The following SPECC1 variants were observed in gnomAD, a reference collection of about 807,000 sequenced individuals.
The protein encoded by SPECC1 is sperm antigen with calponin homology and coiled-coil domains 1.
In SPECC1, 62 loss-of-function variants were observed where a neutral mutation model predicts 104.1. The observed-to-expected ratio is 0.60, with a 90% CI of 0.49 to 0.74. The LOEUF is 0.74. Ranked by LOEUF, SPECC1 falls within the 30% of genes least tolerant of loss-of-function variation. The pLI is 0.00. For synonymous variants in SPECC1, 513 were observed against 501.6 expected, an observed-to-expected ratio of 1.02 and a Z score of -0.30; for missense variants, 1,306 against 1,310.5, an observed-to-expected ratio of 1.00 and a Z score of 0.05.
At chr17:20,203,987 A>G (rs59414058) in intron 3 of SPECC1, among the ~76,000 whole-genome samples, 1 of 152,246 alleles carries the variant, frequency 6.6e-6, no homozygotes, top group African/African-American at 2.4e-5. Flanking sequence ...CCACACCTAC[A>G]CATTTTCTCA....
At chr17:20,156,020 C>T in intron 3 of SPECC1, 1 of 1,287,044 alleles carries the variant, frequency 7.8e-7, no homozygotes, top group Non-Finnish European at 9.8e-7. Flanking sequence ...CCCACGGGCG[C>T]GGGAGAGCAG....
chr17:20,057,492 TTTTG>T lies in SPECC1; in HGVS notation c.-21-39131_-21-39128del, dbSNP rs2046012299. Among the ~76,000 whole-genome samples, 4 of 152,016 alleles carry T rather than the reference TTTTG, an allele frequency of 2.6e-5. No homozygotes were observed. The South Asian group carries it at 8.3e-4, about 32-fold the overall frequency. Reference sequence around the variant, plus strand: ...GCAAAAAACAGGAAGGTTAAGTGTTTTTTGTTTGTTTTTGTTTTTGAGACAGGGT... The same window carrying T: ...GCAAAAAACAGGAAGGTTAAGTGTTTTTTGTTTTTGTTTTTGAGACAGGGT... On this transcript the variant is annotated intron_variant, in intron 1 of 14. Transcript: ENST00000395527.
chr17:20,273,173 G>A (rs2040464291), intron 12 of SPECC1, among the ~76,000 whole-genome samples: 1 of 152,186 alleles, frequency 6.6e-6, no homozygotes, highest in Non-Finnish European at 1.5e-5. Flanking sequence ...AACCAGAATT[G>A]TGGGACCTAA....
At chr17:20,112,851 C>G in intron 3 of SPECC1, 1 of 1,591,204 alleles carries the variant, frequency 6.3e-7, no homozygotes, top group Non-Finnish European at 8.6e-7. Context: ...AGAGGAGCAA[C>G]TCTGGCAGGA....
chr17:20,270,788 C>T (rs1016510758), intron 12 of SPECC1, among the ~76,000 whole-genome samples: 9 of 152,124 alleles, frequency 5.9e-5, no homozygotes, highest in African/African-American at 1.9e-4. Flanking sequence ...AATATATATT[C>T]TCAAATTGCC....
intron 3 of SPECC1, among the ~76,000 whole-genome samples, chr17:20,195,331 T>C (rs1243844866): frequency 6.6e-6 from 1 of 151,806 alleles, no homozygotes; most frequent in African/African-American, 2.4e-5. Context: ...GTTACTTCTG[T>C]GATACACAGA....
intron 13 of SPECC1, among the ~76,000 whole-genome samples, chr17:20,298,948 A>AGTGTGTGT (rs1555535565): frequency 2.0e-5 from 1 of 49,072 alleles, no homozygotes; most frequent in African/African-American, 9.3e-5. Context: ...AGAGAGAGAG[A>AGTGTGTGT]GTGTGTGTGT....
At chr17:20,216,593 T>A (rs2037504069) in intron 4 of SPECC1, among the ~76,000 whole-genome samples, 1 of 152,114 alleles carries the variant, frequency 6.6e-6, no homozygotes, top group Non-Finnish European at 1.5e-5. Flanking sequence ...TGCCTGCTTA[T>A]CCTCTGGGCC....
intron 5 of SPECC1, 47 bp downstream of exon 5, chr17:20,227,667 CACTTTG>C: frequency 6.4e-7 from 1 of 1,559,534 alleles, no homozygotes; most frequent in South Asian, 1.2e-5. Context: ...ATAATCCCAG[CACTTTG>C]GGAGGCTGAG....
chr17:20,075,034 C>T (rs1224110878), intron 1 of SPECC1, among the ~76,000 whole-genome samples: 1 of 152,088 alleles, frequency 6.6e-6, no homozygotes, highest in African/African-American at 2.4e-5. Context: ...TCCCGAGTAG[C>T]TGAGACTACA....
chr17:20,179,569 A>G (rs2034716607), intron 3 of SPECC1, among the ~76,000 whole-genome samples: 1 of 152,222 alleles, frequency 6.6e-6, no homozygotes, highest in Non-Finnish European at 1.5e-5. Flanking sequence ...GGCTTAGGAA[A>G]GAAGGGTTCA....
Position 20,104,758 on chromosome 17 carries a change from A to G in SPECC1, c.148-5669A>G, listed in dbSNP as rs1333982836. 8.7e-3 allele frequency among the ~76,000 whole-genome samples: 1,303 copies of G among 150,262 alleles called. 24 individuals carry two copies. Among genetic ancestry groups the G allele is most frequent in the African/African-American group, 0.03 (1,235 of 40,566 alleles). On this transcript the variant is annotated intron_variant, in intron 2 of 14. Transcript: ENST00000395527. Reference sequence around the variant, plus strand: ...ACTGTCTCAAAAAAAAAAAAAAAAAAAAAAAAAAGAAAAAAAAATTCTCTT... The same window carrying G: ...ACTGTCTCAAAAAAAAAAAAAAAAAGAAAAAAAAGAAAAAAAAATTCTCTT...
chr17:20,204,309 T>C (rs2036623386), intron 3 of SPECC1, 24 bp from the exon 4 acceptor site: 1 of 1,579,758 alleles, frequency 6.3e-7, no homozygotes. Flanking sequence ...TATTTTTTCA[T>C]TTTTTTCTTC....
At chr17:20,279,810 A>G (rs577582513) in intron 12 of SPECC1, among the ~76,000 whole-genome samples, 1 of 152,324 alleles carries the variant, frequency 6.6e-6, no homozygotes, top group East Asian at 1.9e-4. Context: ...GGAAGACATG[A>G]GGAAGACCAC....
chr17:20,157,265 A>G (rs1396031090), intron 3 of SPECC1, among the ~76,000 whole-genome samples: 1 of 151,906 alleles, frequency 6.6e-6, no homozygotes, highest in Non-Finnish European at 1.5e-5. Flanking sequence ...TGCCTCCCTG[A>G]CACTTGGGGT....
intron 3 of SPECC1, among the ~76,000 whole-genome samples, chr17:20,203,279 TAAAAAA>T (rs34012069): frequency 1.4e-5 from 2 of 138,484 alleles, no homozygotes; most frequent in Non-Finnish European, 1.6e-5. Context: ...TTTCAGTTTG[TAAAAAA>T]AAAAAAAAAA....
chr17:20,274,302 C>T (rs1043887431), intron 12 of SPECC1, among the ~76,000 whole-genome samples: 19 of 152,124 alleles, frequency 1.2e-4, no homozygotes, highest in Admixed American at 3.3e-4. Flanking sequence ...AGGTTGCTGC[C>T]GAGCAGAGAA....
intron 2 of SPECC1, among the ~76,000 whole-genome samples, chr17:20,100,089 T>G (rs952006660): frequency 6.6e-6 from 1 of 152,224 alleles, no homozygotes; most frequent in African/African-American, 2.4e-5. Context: ...TATTGTTGTA[T>G]TGTTAATTTT....
intron 1 of SPECC1, among the ~76,000 whole-genome samples, chr17:20,089,417 A>G (rs1349197791): frequency 6.6e-6 from 1 of 151,982 alleles, no homozygotes; most frequent in African/African-American, 2.4e-5. Context: ...ACTTGAGCCC[A>G]TGAGTTTGAG....
Sources: gnomAD v4.1 joint callset for allele counts (sites outside exome capture counted in the v4.1 genomes callset) on GRCh38, gnomAD v4.1.1 for gene constraint, MANE v1.5 for transcripts, NCBI Gene and HGNC (gene_info 2026-07-23, HGNC 2026-07-21) for gene names.